TTN: variants seen among roughly 807,000 people sequenced by gnomAD.
TTN encodes titin, also known as connectin.
TTN carries 1,525 observed loss-of-function variants against 3,223.0 expected under a neutral mutation model. That is an observed-to-expected ratio of 0.47 (90% CI 0.45 to 0.49). TTN has a LOEUF of 0.49. Among genes scored for constraint, TTN ranks in the 20% least tolerant of loss-of-function variants. The probability of loss-of-function intolerance (pLI) is 0.00; values close to 1 mark genes in which losing one functional copy is unlikely to be tolerated. For missense variants in TTN, 40,786 were observed against 43,424.0 expected, an observed-to-expected ratio of 0.94 and a Z score of 5.40; for synonymous variants, 14,094 against 15,161.0, an observed-to-expected ratio of 0.93 and a Z score of 5.17.
In TTN at chr2:178,664,058, C is replaced by A. The variant is rs1185417313; in HGVS notation, c.36321G>T (p.Val12107=). Residue 12107 remains valine, a synonymous_variant, in exon 169 of 363, where the codon GTG becomes GTT. Coordinates refer to ENST00000589042, the MANE Select transcript of TTN (RefSeq NM_001267550.2). ...CAGGCTTTTTAGGAGGCACCACCGACACTTTCTTTTCAGGGATAATCTCTT... is the reference window on the plus strand; with the variant it reads ...CAGGCTTTTTAGGAGGCACCACCGAAACTTTCTTTTCAGGGATAATCTCTT... ...APKEIIPEKK[V]SVVPPKKPEV... The A allele has an allele frequency of 6.2e-7, 1 of 1,613,204 alleles. No individual in the cohort carries two copies. The highest frequency in any genetic ancestry group is 1.7e-5 in the Admixed American group (1 of 59,950).
rs762387276 is a variant in TTN at position 178,540,112 on chromosome 2, T to C, written c.98054A>G (p.Glu32685Gly). The C allele has an allele frequency of 8.1e-6, 13 of 1,610,400 alleles. No individual in the cohort carries two copies. In the East Asian group the frequency reaches 1.6e-4, roughly 19 times the overall value. ...VLACNAGGPG[E>G]PAEVPGTVKV... is the part of the protein sequence containing the mutation. Reference sequence around the variant, plus strand: ...GACTGTTCCTGGTACCTCAGCAGGCTCACCAGGTCCACCAGCATTACAAGC... The same window carrying C: ...GACTGTTCCTGGTACCTCAGCAGGCCCACCAGGTCCACCAGCATTACAAGC... The change falls in exon 351 of 363, where the codon GAG becomes GGG. Residue 32685 changes from glutamate (E) to glycine (G), a missense_variant. Transcript: ENST00000589042.
intron 223 of TTN, among the ~76,000 whole-genome samples, chr2:178,639,112 C>T (rs2060892641): frequency 6.6e-6 from 1 of 152,018 alleles, no homozygotes; most frequent in South Asian, 2.1e-4. Context: ...ATTCCTTATA[C>T]AGATTAAAAG....
chr2:178,762,996 A>G (rs894837141), intron 43 of TTN, among the ~76,000 whole-genome samples: 2 of 152,224 alleles, frequency 1.3e-5, no homozygotes, highest in African/African-American at 4.8e-5. Flanking sequence ...CTGAAGTACT[A>G]ACCTGTTGAG....
At chr2:178,799,323 A>T in intron 6 of TTN, 164 bp downstream of exon 6, 1 of 1,084,920 alleles carries the variant, frequency 9.2e-7, no homozygotes, top group Non-Finnish European at 1.3e-6. Context: ...GAGCCCCACA[A>T]CCTGCCCGTT....
At position 178,590,970 on chromosome 2, in the gene TTN, A is replaced by C; in HGVS notation, c.60755T>G (p.Ile20252Arg). ...GGAGTCAAGGGGAGGACCAACACCT[A>C]TCTTATTCTCTGCTCTAACTCGGAA... Reference protein sequence around the residue: ...YVFRVRAENKIGVGPPLDSTP... With the variant: ...YVFRVRAENKRGVGPPLDSTP... Residue 20252 changes from isoleucine to arginine, a missense_variant, in exon 304 of 363, where the codon ATA becomes AGA. Transcript: ENST00000589042. 3 of 1,613,472 alleles carry C rather than the reference A, an allele frequency of 1.9e-6. No individual in the cohort carries two copies. Among genetic ancestry groups the C allele is most frequent in the Non-Finnish European group, 2.5e-6 (3 of 1,179,568 alleles).
rs773418849 is a variant in TTN, at chr2:178,741,807, G to A, written c.11426C>T (p.Thr3809Ile). The A allele has an allele frequency of 5.0e-6, 8 of 1,613,046 alleles. No individual in the cohort carries two copies. In the South Asian group the frequency reaches 8.8e-5, roughly 18 times the overall value. Residue 3809 changes from threonine (T) to isoleucine (I), a missense_variant, in exon 48 of 363, where the codon ACT (threonine) becomes ATT (isoleucine). Coordinates refer to ENST00000589042, the MANE Select transcript of TTN (RefSeq NM_001267550.2). Reference sequence around the variant, plus strand: ...GCCTTCCTTTTCGGAATCAAATTTAGTTGGGTAAACTGGAGATTCAGACAA... The same window carrying A: ...GCCTTCCTTTTCGGAATCAAATTTAATTGGGTAAACTGGAGATTCAGACAA... The part of the protein sequence containing the change: ...ELLSESPVYP[T>I]KFDSEKEGTG...
chr2:178,652,132 C>G lies in TTN; in HGVS notation c.39259G>C (p.Ala13087Pro), dbSNP rs1236110830. ...VAVPEKKVPE[A>P]IPPKPESPPP... The stretch of plus-strand genomic sequence containing the variant: ...GGACTTTCCGGTTTGGGAGGAATAG[C>G]TTCAGGCACCTTCTTTTCTGGGACA... The change falls in exon 204 of 363, where the codon GCT becomes CCT. Residue 13087 changes from alanine (A) to proline (P), a missense_variant. Coordinates refer to ENST00000589042, the MANE Select transcript of TTN (RefSeq NM_001267550.2). The G allele has an allele frequency of 1.2e-6, 2 of 1,612,422 alleles. No individual in the cohort carries two copies. The highest frequency in any genetic ancestry group is 3.3e-5 in the Admixed American group (2 of 59,968).
In TTN at chr2:178,753,151, C is replaced by A; in HGVS notation, c.11284G>T (p.Glu3762Ter). The A allele has an allele frequency of 6.2e-7, 1 of 1,609,378 alleles. No individual in the cohort carries two copies. Among genetic ancestry groups the A allele is most frequent in the South Asian group, 1.1e-5 (1 of 90,552 alleles). The change falls in exon 47 of 363, where the codon GAA (glutamate) becomes TAA (stop). Residue 3762 changes from glutamate (E) to a stop codon, truncating the protein, a stop_gained. Coordinates refer to ENST00000589042, the MANE Select transcript of TTN (RefSeq NM_001267550.2). LOFTEE classifies it high-confidence loss of function. Reference sequence around the variant, plus strand: ...TTCATTTCCATCTCAATCTCTTGTTCAATCCTCTCATGCAAAATTGATTCA... The same window carrying A: ...TTCATTTCCATCTCAATCTCTTGTTAAATCCTCTCATGCAAAATTGATTCA... ...APESILHERI[E>*]QEIEMEMKEF...
chr2:178,611,570 A>G lies in TTN; in HGVS notation c.50659T>C (p.Tyr16887His), dbSNP rs1353291979. 1.9e-6 allele frequency: 3 copies of G among 1,612,908 alleles called. No individual in the cohort carries two copies. Among genetic ancestry groups the G allele is most frequent in the East Asian group, 2.2e-5 (1 of 44,718 alleles). ...CCTACTGGACACATTTCAACATGGTATCCTATGATAGGACTTCCACCATTT... is the reference window on the plus strand; with the variant it reads ...CCTACTGGACACATTTCAACATGGTGTCCTATGATAGGACTTCCACCATTT... ...EKNGGSPIIG[Y>H]HVEMCPVGTE... The change falls in exon 269 of 363, where the codon TAC becomes CAC. Residue 16887 changes from tyrosine to histidine, a missense_variant. Tyr to His is a moderately conservative substitution (Grantham distance 83). Coordinates refer to ENST00000589042, the MANE Select transcript of TTN (RefSeq NM_001267550.2).
Position 178,533,392 on chromosome 2 carries a change from T to A in TTN, c.103223A>T (p.Asn34408Ile). ...CAAGCCTTCATGGATAATTTCAATG[T>A]TAGGCCCGAGGGACAGTGGCTGACC... Reference protein sequence around the residue: ...KDGQPLSLGPNIEIIHEGLDY... With the variant: ...KDGQPLSLGPIIEIIHEGLDY... Residue 34408 changes from asparagine (N) to isoleucine (I), a missense_variant, in exon 358 of 363, where the codon AAC (asparagine) becomes ATC (isoleucine). Transcript: ENST00000589042. 2 of 1,613,726 alleles carry A rather than the reference T, an allele frequency of 1.2e-6. No homozygotes were observed. The highest frequency in any genetic ancestry group is 1.7e-6 in the Non-Finnish European group (2 of 1,179,856).
chr2:178,781,370 C>CTCCA (rs2092745743), intron 20 of TTN, 107 bp from the exon 21 acceptor site: 1 of 1,278,184 alleles, frequency 7.8e-7, no homozygotes, highest in South Asian at 1.3e-5. Context: ...ATTCAATGAC[C>CTCCA]CTAAACATAT....
At position 178,678,147 on chromosome 2, in the gene TTN, T is replaced by C; in HGVS notation, c.33972A>G (p.Lys11324=). The C allele has an allele frequency of 6.2e-7, 1 of 1,611,090 alleles. No homozygotes were observed. The highest frequency in any genetic ancestry group is 2.2e-5 in the East Asian group (1 of 44,814). ...TACCTTTGGGTGGTGGTGCTTCCACTTTTTTCGGAACAGGTGTTGGTTTCT... is the reference window on the plus strand; with the variant it reads ...TACCTTTGGGTGGTGGTGCTTCCACCTTTTTCGGAACAGGTGTTGGTTTCT... ...EEKKPTPVPK[K]VEAPPPKVPK... is the part of the protein sequence containing the mutation. Residue 11324 remains lysine (K), a synonymous_variant, in exon 145 of 363, where the codon AAA becomes AAG. Coordinates refer to ENST00000589042, the MANE Select transcript of TTN (RefSeq NM_001267550.2).
In TTN at chr2:178,633,059, G is replaced by C. The variant is rs1409692632; in HGVS notation, c.43087-15C>G. 6 of 1,608,300 alleles carry C rather than the reference G, an allele frequency of 3.7e-6. No homozygotes were observed. The Admixed American group carries it at 1.0e-4, about 27-fold the overall frequency. ...ATTTCACAGTCCTGTTTGGAGTGAG[G>C]GTTAGAAGGAAAGAAAGAACATCAT... On this transcript the variant is annotated splice_polypyrimidine_tract_variant and intron_variant, in intron 233 of 362. Transcript: ENST00000589042.
At chr2:178,759,548 C>A (rs1180899538) in intron 43 of TTN, among the ~76,000 whole-genome samples, 1 of 152,154 alleles carries the variant, frequency 6.6e-6, no homozygotes, top group Non-Finnish European at 1.5e-5. Flanking sequence ...AAGGTTTGAT[C>A]TGGGCTTGTA....
Position 178,651,447 on chromosome 2 carries a change from A to G in TTN, c.39547+6T>C. 6.2e-7 allele frequency: 1 copy of G among 1,609,374 alleles called. No individual in the cohort carries two copies. The highest frequency in any genetic ancestry group is 1.1e-5 in the South Asian group (1 of 90,228). ...CCCCCATCAAACAGTGGACAGCCAC[A>G]TATACCTTTAGCAGGTGGGGCTTCT... On this transcript the variant is annotated splice_donor_region_variant and intron_variant, in intron 207 of 362. Transcript: ENST00000589042.
At position 178,804,497 on chromosome 2, in the gene TTN, T is replaced by C. The variant is rs72647841; in HGVS notation, c.91+55A>G. 4,233 of 1,564,172 alleles carry C rather than the reference T, an allele frequency of 2.7e-3. 109 individuals are homozygous for C. The African/African-American group carries it at 0.051, about 19-fold the overall frequency. The stretch of plus-strand genomic sequence containing the variant: ...CGTCAAGTCCTGCAGCAACGTTAAC[T>C]TACTGGAGAGGAGGCAAAGGAAAAA... On this transcript the variant is annotated intron_variant, in intron 2 of 362. Transcript: ENST00000589042.
intron 68 of TTN, 96 bp from the exon 69 acceptor site, chr2:178,727,467 T>C (rs2079549916): frequency 2.0e-6 from 3 of 1,502,136 alleles, no homozygotes; most frequent in African/African-American, 2.8e-5. Context: ...CATGAGCAAA[T>C]ACTGTTTACT....
In TTN at chr2:178,756,559, T is replaced by A. The variant is rs1384972489; in HGVS notation, c.10917A>T (p.Ser3639=). ...DTQLCHTASL[S]QIAESTELSK... The stretch of plus-strand genomic sequence containing the variant: ...ATAGCTCAGTGCTTTCTGCAATTTG[T>A]GAAAGGGATGCAGTATGGCACAACT... Residue 3639 remains serine (S), a synonymous_variant, in exon 46 of 363, where the codon TCA becomes TCT. Transcript: ENST00000589042. 6.2e-7 allele frequency: 1 copy of A among 1,611,462 alleles called. No homozygotes were observed. Among genetic ancestry groups the A allele is most frequent in the African/African-American group, 1.3e-5 (1 of 74,940 alleles).
intron 180 of TTN, among the ~76,000 whole-genome samples, chr2:178,660,878 A>G (rs1314842069): frequency 1.5e-5 from 2 of 129,334 alleles, no homozygotes; most frequent in African/African-American, 5.8e-5. Context: ...ACAAACAGAC[A>G]CTTCTCAAAA....
Sources: gnomAD v4.1 joint callset for allele counts (sites outside exome capture counted in the v4.1 genomes callset) on GRCh38, gnomAD v4.1.1 for gene constraint, MANE v1.5 for transcripts, NCBI Gene and HGNC (gene_info 2026-07-23, HGNC 2026-07-21) for gene names.